Variants in RIMBP2 observed in about 807,000 individuals in gnomAD.
RIMBP2 encodes the protein RIMS binding protein 2.
Under a neutral mutation model 118.6 loss-of-function variants are expected in RIMBP2, and 48 were observed. That is an observed-to-expected ratio of 0.40 (90% CI 0.32 to 0.51). RIMBP2 has a LOEUF of 0.51. Ranked by LOEUF, RIMBP2 falls within the 20% of genes least tolerant of loss-of-function variation. RIMBP2 has a pLI of 0.41. For synonymous variants in RIMBP2, 762 were observed against 742.9 expected, an observed-to-expected ratio of 1.03 and a Z score of -0.42; for missense variants, 1,551 against 1,768.3, an observed-to-expected ratio of 0.88 and a Z score of 2.20.
chr12:130,635,423 G>C (rs376004021), intron 1 of RIMBP2, among the ~76,000 whole-genome samples: 2 of 152,318 alleles, frequency 1.3e-5, no homozygotes, highest in African/African-American at 4.8e-5. Context: ...GTAGCAGTGA[G>C]GATAGGCTGG....
chr12:130,569,525 G>A (rs901407105), intron 2 of RIMBP2, among the ~76,000 whole-genome samples: 13 of 152,178 alleles, frequency 8.5e-5, no homozygotes, highest in South Asian at 4.1e-4. Flanking sequence ...TTGGATCTGC[G>A]TCCCCACCAC....
intron 2 of RIMBP2, among the ~76,000 whole-genome samples, chr12:130,614,357 G>A (rs1006128823): frequency 5.3e-5 from 8 of 152,166 alleles, no homozygotes; most frequent in East Asian, 3.9e-4. Flanking sequence ...AGTGAGCAAC[G>A]TAAACAAACC....
chr12:130,429,853 A>G (rs2077046302), intron 14 of RIMBP2: 1 of 152,186 alleles, frequency 6.6e-6, no homozygotes, highest in Non-Finnish European at 1.5e-5. Context: ...TAATGCTTCC[A>G]ACCAGGCTCC....
At chr12:130,676,418 A>T (rs2064471818) in intron 1 of RIMBP2, among the ~76,000 whole-genome samples, 1 of 151,774 alleles carries the variant, frequency 6.6e-6, no homozygotes, top group African/African-American at 2.4e-5. Context: ...AGGTCCAGAG[A>T]TGGAGACCAT....
In RIMBP2 at chr12:130,469,628, T is replaced by C. The variant is rs985383784; in HGVS notation, c.153+1065A>G. 6.6e-6 allele frequency among the ~76,000 whole-genome samples: 1 copy of C among 152,206 alleles called. No homozygotes were observed. The highest frequency in any genetic ancestry group is 2.4e-5 in the African/African-American group (1 of 41,452). ...AATGGAGGCTTTCAGAAAATCCATT[T>C]TAATATATAGGATGATAATGATGAA... On this transcript the variant is annotated intron_variant, in intron 6 of 22. Coordinates refer to ENST00000690449, the MANE Select transcript of RIMBP2 (RefSeq NM_001393629.1). The surrounding 1 kb of genome is among the most constrained non-coding windows in gnomAD (Gnocchi z 4.8).
intron 1 of RIMBP2, among the ~76,000 whole-genome samples, chr12:130,695,301 C>T (rs1406810520): frequency 2.0e-5 from 3 of 152,130 alleles, no homozygotes; most frequent in Non-Finnish European, 2.9e-5. Context: ...CCAGGAGGAC[C>T]ACGTGGCCTC....
chr12:130,518,127 T>C (rs1047088162), intron 2 of RIMBP2, among the ~76,000 whole-genome samples: 14 of 152,196 alleles, frequency 9.2e-5, no homozygotes, highest in Admixed American at 2.0e-4. Flanking sequence ...TGTTATATTA[T>C]ACGATGATTA....
chr12:130,438,335 A>ACCGGGGCCCCCCC, intron 12 of RIMBP2, 30 bp downstream of exon 12: 1 of 865,014 alleles, frequency 1.2e-6, no homozygotes, highest in Non-Finnish European at 1.9e-6. Flanking sequence ...GGCCTAACAA[A>ACCGGGGCCCCCCC]CCCTCCCCAC....
At position 130,422,020 on chromosome 12, in the gene RIMBP2, T is replaced by A. The variant is rs1387374991; in HGVS notation, c.3238+433A>T. 2.0e-5 allele frequency among the ~76,000 whole-genome samples: 3 copies of A among 152,166 alleles called. No homozygotes were observed. Among genetic ancestry groups the A allele is most frequent in the African/African-American group, 7.2e-5 (3 of 41,450 alleles). ...TCAGCTGCACGGTGTCCCCCAGGAT[T>A]TAGCTCTGCTGCCAGCGTGTCTTCT... On this transcript the variant is annotated intron_variant, in intron 17 of 22. Transcript: ENST00000690449. The surrounding 1 kb of genome is among the most constrained non-coding windows in gnomAD (Gnocchi z 5.2).
At position 130,654,295 on chromosome 12, in the gene RIMBP2, AT is replaced by A. The variant is rs367764543; in HGVS notation, c.-351-25840del. ...ATCTTGAATGCTTTGCTTCTTAGAA[AT>A]TTCTTCCACCAGATACCCTAGGTTA... On this transcript the variant is annotated intron_variant, in intron 1 of 22. Coordinates refer to ENST00000690449, the MANE Select transcript of RIMBP2 (RefSeq NM_001393629.1). Among the ~76,000 whole-genome samples the A allele has an allele frequency of 1.5e-4, 23 of 152,280 alleles. No homozygotes were observed. In the East Asian group the frequency reaches 4.4e-3, roughly 29 times the overall value.
chr12:130,686,153 G>T (rs553236407), intron 1 of RIMBP2, among the ~76,000 whole-genome samples: 3 of 152,170 alleles, frequency 2.0e-5, no homozygotes, highest in Admixed American at 6.5e-5. Context: ...TGGCAGTCAC[G>T]GCCAGAGCCC....
At chr12:130,449,076 G>A (rs1386337630) in intron 9 of RIMBP2, among the ~76,000 whole-genome samples, 3 of 152,340 alleles carry the variant, frequency 2.0e-5, no homozygotes, top group South Asian at 2.1e-4. Context: ...CTGGCTGCCC[G>A]ATGCCAGCTG....
At chr12:130,607,517 A>AC (rs2060262330) in intron 2 of RIMBP2, among the ~76,000 whole-genome samples, 1 of 151,620 alleles carries the variant, frequency 6.6e-6, no homozygotes, top group Non-Finnish European at 1.5e-5. Context: ...ATGCTTCCAC[A>AC]TGCTCGGTGG....
chr12:130,647,685 C>A (rs2063051010), intron 1 of RIMBP2, among the ~76,000 whole-genome samples: 1 of 145,548 alleles, frequency 6.9e-6, no homozygotes, highest in South Asian at 2.1e-4. Context: ...TCCTCCTAAC[C>A]AACTACAAAT....
At chr12:130,577,076 C>T (rs1343976720) in intron 2 of RIMBP2, among the ~76,000 whole-genome samples, 1 of 152,162 alleles carries the variant, frequency 6.6e-6, no homozygotes, top group African/African-American at 2.4e-5. Context: ...TCACCCCTTT[C>T]TCCACTAAGC....
intron 2 of RIMBP2, among the ~76,000 whole-genome samples, chr12:130,564,586 A>T (rs555629575): frequency 6.6e-6 from 1 of 152,336 alleles, no homozygotes; most frequent in South Asian, 2.1e-4. Flanking sequence ...AAAGGAAGGG[A>T]ATTCTACCAC....
intron 2 of RIMBP2, among the ~76,000 whole-genome samples, chr12:130,595,004 T>C (rs551786700): frequency 1.3e-5 from 2 of 152,232 alleles, no homozygotes; most frequent in African/African-American, 4.8e-5. Context: ...CAGACACTAT[T>C]TTAAAACACT....
intron 2 of RIMBP2, among the ~76,000 whole-genome samples, chr12:130,552,590 A>G (rs562759592): frequency 6.6e-6 from 1 of 152,356 alleles, no homozygotes; most frequent in Admixed American, 6.5e-5. Flanking sequence ...AATGAGCATC[A>G]TTAGTCCTGA....
At chr12:130,489,921 C>T (rs7976800) in intron 4 of RIMBP2, among the ~76,000 whole-genome samples, 36,067 of 151,844 alleles carry the variant, frequency 0.24, 4,730 homozygotes, top group Middle Eastern at 0.4. Context: ...GTCAGGAGAT[C>T]GAGACCATCC....
Sources: gnomAD v4.1 joint callset for allele counts (sites outside exome capture counted in the v4.1 genomes callset) on GRCh38, gnomAD v4.1.1 for gene constraint, Gnocchi (gnomAD v3.1) non-coding constraint, MANE v1.5 for transcripts, NCBI Gene and HGNC (gene_info 2026-07-23, HGNC 2026-07-21) for gene names.